The following HS6ST3 variants were observed in gnomAD, a reference collection of about 807,000 sequenced individuals.
HS6ST3 encodes heparan sulfate 6-O-sulfotransferase 3, also known as heparan-sulfate 6-O-sulfotransferase 3.
A neutral mutation model predicts 36.7 loss-of-function variants in HS6ST3; 12 were observed. That is an observed-to-expected ratio of 0.33 (90% CI 0.21 to 0.53). The LOEUF (loss-of-function observed/expected upper bound fraction) is 0.53. Among genes scored for constraint, HS6ST3 ranks in the 20% least tolerant of loss-of-function variants. The pLI is 0.95. For missense variants in HS6ST3, 584 were observed against 640.9 expected, an observed-to-expected ratio of 0.91 and a Z score of 0.96; for synonymous variants, 240 against 257.5, an observed-to-expected ratio of 0.93 and a Z score of 0.65.
At chr13:96,116,043 C>T (rs557775154) in intron 1 of HS6ST3, among the ~76,000 whole-genome samples, 44 of 152,250 alleles carry the variant, frequency 2.9e-4, no homozygotes, top group Middle Eastern at 3.4e-3. Context: ...GCATAAATGT[C>T]TTCTTTTAAA....
At chr13:96,419,197 C>G (rs998130131) in intron 1 of HS6ST3, among the ~76,000 whole-genome samples, 1 of 152,204 alleles carries the variant, frequency 6.6e-6, no homozygotes, top group Non-Finnish European at 1.5e-5. Flanking sequence ...GAATGCTTTT[C>G]AGTTAAAATG....
chr13:96,667,795 A>C (rs1440274853), intron 1 of HS6ST3, among the ~76,000 whole-genome samples: 1 of 152,210 alleles, frequency 6.6e-6, no homozygotes, highest in Non-Finnish European at 1.5e-5. Context: ...TAGACATTAC[A>C]GTGTCACAGA....
At chr13:96,292,042 T>C (rs1319334405) in intron 1 of HS6ST3, among the ~76,000 whole-genome samples, 3 of 152,128 alleles carry the variant, frequency 2.0e-5, no homozygotes, top group Non-Finnish European at 2.9e-5. Context: ...ACTTATGAGA[T>C]GGTAAATAGC....
At chr13:96,587,008 T>C (rs900487151) in intron 1 of HS6ST3, among the ~76,000 whole-genome samples, 2 of 152,196 alleles carry the variant, frequency 1.3e-5, no homozygotes, top group African/African-American at 4.8e-5. Context: ...TTTTTCTATA[T>C]GTAGTTGTTT....
intron 1 of HS6ST3, among the ~76,000 whole-genome samples, chr13:96,280,435 C>G (rs553396491): frequency 6.6e-6 from 1 of 152,032 alleles, no homozygotes; most frequent in African/African-American, 2.4e-5. Flanking sequence ...TACTGTAAAC[C>G]AATTGAGTGA....
At chr13:96,470,036 G>A (rs563316108) in intron 1 of HS6ST3, among the ~76,000 whole-genome samples, 6 of 152,236 alleles carry the variant, frequency 3.9e-5, no homozygotes, top group Non-Finnish European at 8.8e-5. Context: ...CAAATTATTT[G>A]TTTGATATAT....
intron 1 of HS6ST3, among the ~76,000 whole-genome samples, chr13:96,769,104 G>A (rs545835513): frequency 4.6e-5 from 7 of 152,058 alleles, no homozygotes; most frequent in African/African-American, 1.7e-4. Flanking sequence ...ACATGTGCAC[G>A]CACGTGCCCC....
intron 1 of HS6ST3, among the ~76,000 whole-genome samples, chr13:96,149,717 A>G (rs2054075436): frequency 6.6e-6 from 1 of 152,250 alleles, no homozygotes; most frequent in South Asian, 2.1e-4. Flanking sequence ...TGTCCATGAC[A>G]GAAATACAAG....
At chr13:96,130,645 G>T (rs781355698) in intron 1 of HS6ST3, among the ~76,000 whole-genome samples, 4 of 152,128 alleles carry the variant, frequency 2.6e-5, no homozygotes, top group Non-Finnish European at 5.9e-5. Flanking sequence ...TTTTCTTGAG[G>T]TAATGCCAGG....
At chr13:96,376,253 G>T (rs1347673022) in intron 1 of HS6ST3, among the ~76,000 whole-genome samples, 8 of 152,192 alleles carry the variant, frequency 5.3e-5, no homozygotes, top group Non-Finnish European at 1.2e-4. Context: ...CAAATATGCT[G>T]CCACTAGCAT....
At chr13:96,507,995 A>T (rs1271167077) in intron 1 of HS6ST3, among the ~76,000 whole-genome samples, 1 of 152,124 alleles carries the variant, frequency 6.6e-6, no homozygotes. Context: ...AAGAACTTTA[A>T]GAGTTGAAAT....
chr13:96,712,637 C>T (rs555610773), intron 1 of HS6ST3, among the ~76,000 whole-genome samples: 19 of 152,270 alleles, frequency 1.2e-4, no homozygotes, highest in Admixed American at 8.5e-4. Flanking sequence ...CCATCCAAAT[C>T]GATCAAGGTG....
intron 1 of HS6ST3, among the ~76,000 whole-genome samples, chr13:96,549,427 G>A (rs1049579941): frequency 2.0e-5 from 3 of 152,084 alleles, no homozygotes; most frequent in African/African-American, 7.2e-5. Flanking sequence ...ACAGTAGATT[G>A]GAATATTAAA....
intron 1 of HS6ST3, among the ~76,000 whole-genome samples, chr13:96,549,418 CA>C (rs1383172126): frequency 5.3e-5 from 8 of 152,080 alleles, no homozygotes; most frequent in African/African-American, 1.9e-4. Flanking sequence ...TATCAGAGAA[CA>C]GTAGATTGGA....
chr13:96,240,819 G>A, intron 1 of HS6ST3, among the ~76,000 whole-genome samples: 1 of 152,252 alleles, frequency 6.6e-6, no homozygotes, highest in East Asian at 1.9e-4. Context: ...TCTAGCTACA[G>A]TGTGGTTATG....
chr13:96,353,046 CTTTTTTTTTTTT>C (rs1026366277), intron 1 of HS6ST3, among the ~76,000 whole-genome samples: 21 of 85,436 alleles, frequency 2.5e-4, no homozygotes, highest in African/African-American at 5.8e-4. Context: ...CTAGCGTATT[CTTTTTTTTTTTT>C]TTTTTTTTTT....
chr13:96,316,891 C>A (rs1260192248), intron 1 of HS6ST3, among the ~76,000 whole-genome samples: 1 of 151,976 alleles, frequency 6.6e-6, no homozygotes, highest in Non-Finnish European at 1.5e-5. Context: ...TTTGTGTTTG[C>A]GTAGAAATGA....
At chr13:96,135,295 T>C (rs1458057035) in intron 1 of HS6ST3, among the ~76,000 whole-genome samples, 1 of 152,158 alleles carries the variant, frequency 6.6e-6, no homozygotes, top group African/African-American at 2.4e-5. Flanking sequence ...CTTTCTTTCC[T>C]TTTTTAAAGA....
At chr13:96,826,010 A>G (rs1390495924) in intron 1 of HS6ST3, among the ~76,000 whole-genome samples, 3 of 152,238 alleles carry the variant, frequency 2.0e-5, no homozygotes, top group Non-Finnish European at 4.4e-5. Context: ...CTCAATAAGC[A>G]TGTGTTAATT....
Sources: gnomAD v4.1 joint callset for allele counts (sites outside exome capture counted in the v4.1 genomes callset) on GRCh38, gnomAD v4.1.1 for gene constraint, MANE v1.5 for transcripts, NCBI Gene and HGNC (gene_info 2026-07-23, HGNC 2026-07-21) for gene names.